TENM3: variants seen among roughly 807,000 people sequenced by gnomAD.
The protein encoded by TENM3 is teneurin transmembrane protein 3.
Under a neutral mutation model 255.1 loss-of-function variants are expected in TENM3, and 63 were observed. That is an observed-to-expected ratio of 0.25 (90% CI 0.20 to 0.30). The LOEUF (loss-of-function observed/expected upper bound fraction) is 0.30. Among genes scored for constraint, TENM3 ranks in the 10% least tolerant of loss-of-function variants. The probability of loss-of-function intolerance (pLI) is 1.00; values close to 1 mark genes in which losing one functional copy is unlikely to be tolerated. For synonymous variants in TENM3, 1,306 were observed against 1,322.3 expected (o/e 0.99, Z 0.27); for missense variants, 2,929 against 3,461.1 (o/e 0.85, Z 3.86).
chr4:181,929,477 G>T, the TENM3 span, among the ~76,000 whole-genome samples: 1 of 152,134 alleles, frequency 6.6e-6, no homozygotes, highest in Non-Finnish European at 1.5e-5. Context: ...AACAAGAAGA[G>T]CTAGCTATCC....
chr4:181,636,328 C>A, the TENM3 span, among the ~76,000 whole-genome samples: 8 of 152,150 alleles, frequency 5.3e-5, no homozygotes, highest in African/African-American at 1.9e-4. Flanking sequence ...CAGGTGTGAG[C>A]CACCGCCCAT....
intron 1 of TENM3, among the ~76,000 whole-genome samples, chr4:182,314,142 TA>T (rs1477561243): frequency 6.6e-6 from 1 of 151,918 alleles, no homozygotes; most frequent in African/African-American, 2.4e-5. Flanking sequence ...CTACTAAAAA[TA>T]CAAAAAAATT....
the TENM3 span, among the ~76,000 whole-genome samples, chr4:181,952,058 T>G: frequency 6.6e-6 from 1 of 152,236 alleles, no homozygotes; most frequent in African/African-American, 2.4e-5. Flanking sequence ...TTTAAAGAAC[T>G]GTGGTTTATT....
chr4:182,151,571 TTC>T (rs1332168050), intron 1 of TENM3, among the ~76,000 whole-genome samples: 1 of 152,078 alleles, frequency 6.6e-6, no homozygotes, highest in African/African-American at 2.4e-5. Context: ...TAACTTTTAT[TTC>T]TTTCAGAATT....
the TENM3 span, among the ~76,000 whole-genome samples, chr4:181,511,788 G>A: frequency 1.3e-5 from 2 of 152,176 alleles, no homozygotes; most frequent in Admixed American, 6.5e-5. Context: ...GTGGAGGACT[G>A]TGGACCACCA....
At chr4:182,663,036 A>G (rs1754358547) in intron 6 of TENM3, among the ~76,000 whole-genome samples, 1 of 152,176 alleles carries the variant, frequency 6.6e-6, no homozygotes, top group Non-Finnish European at 1.5e-5. Context: ...TGCAGAGAAA[A>G]ATCAGTGATG....
At position 182,770,732 on chromosome 4, in the gene TENM3, G is replaced by T. The variant is rs118108635; in HGVS notation, c.4893-2740G>T. Among the ~76,000 whole-genome samples the T allele has an allele frequency of 6.5e-4, 99 of 152,278 alleles. No homozygotes were observed. In the East Asian group the frequency reaches 0.018, roughly 27 times the overall value. On this transcript the variant is annotated intron_variant, in intron 22 of 27. Transcript: ENST00000511685. ...TCATTTGTAATAGTTAAATTGTCAC[G>T]TATATGACCTCTGCTCACCCAGACT...
chr4:181,794,248 A>G, the TENM3 span, among the ~76,000 whole-genome samples: 19 of 152,218 alleles, frequency 1.2e-4, no homozygotes, highest in African/African-American at 4.3e-4. Flanking sequence ...CATCTCCATC[A>G]CGTCACATAG....
chr4:182,611,527 A>G (rs12503493), intron 4 of TENM3, among the ~76,000 whole-genome samples: 31,261 of 152,058 alleles, frequency 0.21, 3,737 homozygotes, highest in Non-Finnish European at 0.27. Flanking sequence ...TACTCTGATC[A>G]TCTGGCAAGC....
chr4:182,187,973 C>T (rs943888915), intron 1 of TENM3, among the ~76,000 whole-genome samples: 1 of 152,052 alleles, frequency 6.6e-6, no homozygotes, highest in African/African-American at 2.4e-5. Flanking sequence ...CTGTGTGAAA[C>T]AGTGCCAAAA....
chr4:182,802,687 G>A lies in TENM3; in HGVS notation c.*2336G>A, dbSNP rs1290910147. 1 of 151,824 alleles carries A rather than the reference G, an allele frequency of 6.6e-6. No individual in the cohort carries two copies. The highest frequency in any genetic ancestry group is 1.5e-5 in the Non-Finnish European group (1 of 67,990). The allele number at this position is 151,824 out of a possible 1,614,324, so 9.4% of individuals were successfully genotyped here. A position where few individuals can be genotyped will look rare whatever the true frequency, so the allele number is the denominator to read the frequency against. ...TTAGTGTCCTGTTAGTAGGTATAAT[G>A]AGCCTATTTCTTTCTAAAAAGACTT... On this transcript the variant is annotated 3_prime_UTR_variant, in exon 28 of 28. Transcript: ENST00000511685.
the TENM3 span, among the ~76,000 whole-genome samples, chr4:181,884,795 C>T: frequency 3.3e-5 from 5 of 152,132 alleles, no homozygotes; most frequent in Admixed American, 2.0e-4. Flanking sequence ...AAAAGCCCTA[C>T]AATTCAAATC....
At chr4:182,706,205 G>T (rs997173754) in intron 12 of TENM3, among the ~76,000 whole-genome samples, 1 of 152,080 alleles carries the variant, frequency 6.6e-6, no homozygotes, top group African/African-American at 2.4e-5. Flanking sequence ...TTAGAATATG[G>T]ATTTTGGTGT....
chr4:182,086,703 C>A, the TENM3 span, among the ~76,000 whole-genome samples: 2 of 152,082 alleles, frequency 1.3e-5, no homozygotes, highest in Non-Finnish European at 2.9e-5. Context: ...TGGTAGGCTG[C>A]GGTGGAATTA....
chr4:181,870,819 A>G, the TENM3 span, among the ~76,000 whole-genome samples: 1 of 151,956 alleles, frequency 6.6e-6, no homozygotes, highest in Non-Finnish European at 1.5e-5. Flanking sequence ...GATGACATTG[A>G]TCAATATTTT....
intron 19 of TENM3, among the ~76,000 whole-genome samples, chr4:182,749,968 A>T (rs763790972): frequency 9.2e-6 from 1 of 108,310 alleles, no homozygotes; most frequent in Non-Finnish European, 1.9e-5. Flanking sequence ...TCAACATTAG[A>T]CTGTTTATAG....
At chr4:182,540,422 T>G (rs1379427110) in intron 3 of TENM3, among the ~76,000 whole-genome samples, 2 of 152,024 alleles carry the variant, frequency 1.3e-5, no homozygotes, top group Non-Finnish European at 2.9e-5. Context: ...AAACCCCGTC[T>G]CTACTAAAAA....
the TENM3 span, among the ~76,000 whole-genome samples, chr4:181,721,338 C>G: frequency 6.6e-6 from 1 of 151,580 alleles, no homozygotes; most frequent in East Asian, 1.9e-4. Flanking sequence ...GCCCCTACCT[C>G]CACATGATCA....
chr4:182,671,381 T>A (rs1308378375), intron 6 of TENM3, among the ~76,000 whole-genome samples: 1 of 152,148 alleles, frequency 6.6e-6, no homozygotes, highest in East Asian at 1.9e-4. Flanking sequence ...ACCTGTCAAG[T>A]TCCACGGCCA....
Sources: allele counts gnomAD v4.1 joint callset (sites outside exome capture counted in the v4.1 genomes callset), GRCh38; gene constraint gnomAD v4.1.1; transcripts MANE v1.5; gene names NCBI Gene and HGNC (gene_info 2026-07-23, HGNC 2026-07-21).